The following SLX4IP variants were observed in gnomAD, a reference collection of about 807,000 sequenced individuals.
SLX4IP encodes the protein protein SLX4IP.
Under a neutral mutation model 32.9 loss-of-function variants are expected in SLX4IP, and 34 were observed. The observed-to-expected ratio is 1.03, with a 90% CI of 0.79 to 1.38. SLX4IP has a LOEUF of 1.38. Ranked by LOEUF, SLX4IP falls within the 40% of genes most tolerant of loss-of-function variation. The pLI is 0.00. For missense variants in SLX4IP, 444 were observed against 479.0 expected, an observed-to-expected ratio of 0.93 and a Z score of 0.68; for synonymous variants, 172 against 171.7, an observed-to-expected ratio of 1.00 and a Z score of -0.01.
At chr20:10,552,265 T>A (rs915190307) in intron 2 of SLX4IP, among the ~76,000 whole-genome samples, 1 of 152,142 alleles carries the variant, frequency 6.6e-6, no homozygotes, top group Non-Finnish European at 1.5e-5. Context: ...GAGAAAGAAG[T>A]GATGGTTACC....
At chr20:10,565,946 GT>G (rs1292746444) in intron 4 of SLX4IP, among the ~76,000 whole-genome samples, 1 of 152,114 alleles carries the variant, frequency 6.6e-6, no homozygotes, top group Non-Finnish European at 1.5e-5. Flanking sequence ...AAATAATGAA[GT>G]GAACTACTGC....
At chr20:10,446,964 T>G (rs1260987457) in intron 1 of SLX4IP, among the ~76,000 whole-genome samples, 1 of 152,198 alleles carries the variant, frequency 6.6e-6, no homozygotes, top group Non-Finnish European at 1.5e-5. Context: ...TGGTTTACAT[T>G]TTCTCTGTCT....
intron 2 of SLX4IP, among the ~76,000 whole-genome samples, chr20:10,515,078 G>GA (rs1568718042): frequency 4.4e-5 from 5 of 113,470 alleles, no homozygotes; most frequent in Non-Finnish European, 9.3e-5. Context: ...GTAAGTTGAA[G>GA]CTTTTTTTTT....
intron 2 of SLX4IP, among the ~76,000 whole-genome samples, chr20:10,492,975 C>CT (rs139913424): frequency 0.26 from 39,411 of 149,588 alleles, 5,077 homozygotes; most frequent in Admixed American, 0.29. Context: ...TATCACAAGT[C>CT]TTTTTTTTTT....
intron 4 of SLX4IP, among the ~76,000 whole-genome samples, chr20:10,583,762 A>G (rs561028345): frequency 7.2e-5 from 11 of 152,326 alleles, no homozygotes; most frequent in African/African-American, 2.6e-4. Context: ...GGAGCTTTTT[A>G]TGATTTTAAA....
chr20:10,556,352 A>G, intron 3 of SLX4IP, 32 bp downstream of exon 3: 1 of 1,578,130 alleles, frequency 6.3e-7, no homozygotes, highest in Non-Finnish European at 8.7e-7. Flanking sequence ...TTTAATTGCA[A>G]GTAGCTGCTG....
At chr20:10,612,317 G>C (rs555812307) in intron 6 of SLX4IP, among the ~76,000 whole-genome samples, 17 of 152,294 alleles carry the variant, frequency 1.1e-4, no homozygotes, top group Middle Eastern at 6.8e-3. Context: ...AGCTGGCCCT[G>C]GGACAAGCCA....
chr20:10,580,216 T>TA (rs1457288416), intron 4 of SLX4IP, among the ~76,000 whole-genome samples: 1 of 152,172 alleles, frequency 6.6e-6, no homozygotes, highest in Non-Finnish European at 1.5e-5. Flanking sequence ...GAGGCCAGGT[T>TA]AAAATCTAAC....
intron 2 of SLX4IP, among the ~76,000 whole-genome samples, chr20:10,461,961 A>G (rs772994955): frequency 6.6e-6 from 1 of 152,196 alleles, no homozygotes. Context: ...TTATTTTTAA[A>G]TTTTTGTAGA....
chr20:10,623,693 T>C lies in SLX4IP; in HGVS notation c.*314T>C, dbSNP rs1027161293. The C allele has an allele frequency of 8.9e-5, 31 of 348,408 alleles. No individual in the cohort carries two copies. Among genetic ancestry groups the C allele is most frequent in the Middle Eastern group, 8.7e-4 (1 of 1,152 alleles). The allele number at this position is 348,408 out of a possible 1,614,324, so 21.6% of individuals were successfully genotyped here. A position where few individuals can be genotyped will look rare whatever the true frequency, so the allele number is the denominator to read the frequency against. The stretch of plus-strand genomic sequence containing the variant: ...AAGGACTGCATGAAGAAACTGATCA[T>C]GAGCCCCTTCTTGGCACATCACTGT... On this transcript the variant is annotated 3_prime_UTR_variant, in exon 8 of 8. Transcript: ENST00000334534.
At chr20:10,483,739 AG>A (rs1013653467) in intron 2 of SLX4IP, among the ~76,000 whole-genome samples, 2 of 152,050 alleles carry the variant, frequency 1.3e-5, no homozygotes, top group African/African-American at 4.8e-5. Context: ...GCGACCCCAA[AG>A]TATGGCACAT....
chr20:10,468,460 A>T (rs1416780114), intron 2 of SLX4IP, among the ~76,000 whole-genome samples: 2 of 152,332 alleles, frequency 1.3e-5, no homozygotes, highest in Middle Eastern at 3.4e-3. Flanking sequence ...CTCCAGCTAG[A>T]CGTAAGGCAT....
At chr20:10,492,085 T>C (rs2065628046) in intron 2 of SLX4IP, among the ~76,000 whole-genome samples, 1 of 152,246 alleles carries the variant, frequency 6.6e-6, no homozygotes, top group Admixed American at 6.5e-5. Flanking sequence ...TACATAGTTT[T>C]CCTTTTTATA....
chr20:10,491,657 T>C (rs938372952), intron 2 of SLX4IP, among the ~76,000 whole-genome samples: 4 of 152,230 alleles, frequency 2.6e-5, no homozygotes, highest in South Asian at 2.1e-4. Context: ...TTTAAACTTA[T>C]GTGTTATGTA....
At chr20:10,460,218 C>G (rs1424199641) in intron 2 of SLX4IP, among the ~76,000 whole-genome samples, 4 of 152,206 alleles carry the variant, frequency 2.6e-5, no homozygotes, top group Non-Finnish European at 5.9e-5. Flanking sequence ...TTTCCAACAA[C>G]AGTTTAAAGA....
chr20:10,560,566 G>T (rs1479296744), intron 3 of SLX4IP, 134 bp from the exon 4 acceptor site: 7 of 667,596 alleles, frequency 1.0e-5, no homozygotes, highest in Non-Finnish European at 1.6e-5. Flanking sequence ...GAGCACATAT[G>T]ACATTCCTTT....
At chr20:10,522,288 TAA>T (rs1371767962) in intron 2 of SLX4IP, among the ~76,000 whole-genome samples, 3 of 152,234 alleles carry the variant, frequency 2.0e-5, no homozygotes, top group Non-Finnish European at 4.4e-5. Context: ...GCTCTTTTTG[TAA>T]AGACTTATTA....
rs1202423305 is a variant in SLX4IP at position 10,507,601 on chromosome 20, C to T, written c.28-48630C>T. On this transcript the variant is annotated intron_variant, in intron 2 of 7. Transcript: ENST00000334534. ...TGGGATTTGATCTGCTGGTTTACCA[C>T]TGCATCCTAGCAGTGCAACAAATAC... Among the ~76,000 whole-genome samples, 7 of 152,200 alleles carry T rather than the reference C, an allele frequency of 4.6e-5. No homozygotes were observed. In the East Asian group the frequency reaches 1.2e-3, roughly 25 times the overall value.
At chr20:10,554,208 T>G (rs1219833827) in intron 2 of SLX4IP, among the ~76,000 whole-genome samples, 1 of 152,216 alleles carries the variant, frequency 6.6e-6, no homozygotes, top group East Asian at 1.9e-4. Flanking sequence ...GATGGAACCA[T>G]ACAGTATATG....
Sources: gnomAD v4.1 joint callset for allele counts (sites outside exome capture counted in the v4.1 genomes callset) on GRCh38, gnomAD v4.1.1 for gene constraint, MANE v1.5 for transcripts, NCBI Gene and HGNC (gene_info 2026-07-23, HGNC 2026-07-21) for gene names.